Variants in EVC2 observed in about 807,000 individuals in gnomAD.
EVC2 encodes EvC ciliary complex subunit 2, also known as limbin.
A neutral mutation model predicts 149.3 loss-of-function variants in EVC2; 148 were observed. The observed-to-expected ratio is 0.99, with a 90% CI of 0.87 to 1.14. The LOEUF is 1.14. EVC2 is among the 50% of genes most tolerant of loss of function. The probability of loss-of-function intolerance (pLI) is 0.00; values close to 1 mark genes in which losing one functional copy is unlikely to be tolerated. For missense variants in EVC2, 1,854 were observed against 1,627.3 expected (o/e 1.14, Z -2.40); for synonymous variants, 776 against 649.9 (o/e 1.19, Z -2.95).
intron 17 of EVC2, among the ~76,000 whole-genome samples, chr4:5,581,995 C>A (rs572137155): frequency 6.6e-6 from 1 of 152,324 alleles, no homozygotes; most frequent in East Asian, 1.9e-4. Context: ...TGGGAGCCTC[C>A]GCCTAGATTT....
At chr4:5,600,186 G>A (rs1208436973) in intron 16 of EVC2, among the ~76,000 whole-genome samples, 2 of 152,162 alleles carry the variant, frequency 1.3e-5, no homozygotes, top group Non-Finnish European at 1.5e-5. Flanking sequence ...ACCTGTCTGA[G>A]TCTCAGTTTT....
chr4:5,697,272 T>G (rs1466910802), intron 2 of EVC2, among the ~76,000 whole-genome samples: 1 of 152,256 alleles, frequency 6.6e-6, no homozygotes, highest in Admixed American at 6.5e-5. Context: ...AGCCACTGTT[T>G]GTGAACATTT....
chr4:5,530,052 G>C, the EVC2 span, among the ~76,000 whole-genome samples: 3 of 152,148 alleles, frequency 2.0e-5, no homozygotes, highest in Non-Finnish European at 4.4e-5. Flanking sequence ...CCGACCTCAG[G>C]TGATCTGCCC....
chr4:5,591,592 G>T (rs1456534425), intron 16 of EVC2, among the ~76,000 whole-genome samples: 1 of 152,198 alleles, frequency 6.6e-6, no homozygotes, highest in Admixed American at 6.5e-5. Context: ...ATGAATAAAT[G>T]TGGGTGAAGT....
At chr4:5,589,171 A>C (rs923541081) in intron 16 of EVC2, among the ~76,000 whole-genome samples, 3 of 152,210 alleles carry the variant, frequency 2.0e-5, no homozygotes, top group Non-Finnish European at 4.4e-5. Context: ...CTACTTGGAA[A>C]CAGGCTAACC....
In EVC2 at chr4:5,576,501, T is replaced by TG; in HGVS notation, c.3058-48dup. On this transcript the variant is annotated intron_variant, in intron 17 of 21. Coordinates refer to ENST00000344408, the MANE Select transcript of EVC2 (RefSeq NM_147127.5). The surrounding 1 kb of genome is among the most constrained non-coding windows in gnomAD (Gnocchi z 4.5). ...GGTAAGCACCACTGCACAAGGCGGG[T>TG]GGGGTGGAGGACAAAATCTGACCTC... The TG allele has an allele frequency of 6.5e-7, 1 of 1,543,826 alleles. No homozygotes were observed. Among genetic ancestry groups the TG allele is most frequent in the South Asian group, 1.2e-5 (1 of 84,780 alleles).
chr4:5,557,048 C>T (rs10032728), intron 21 of EVC2, among the ~76,000 whole-genome samples: 44,701 of 151,872 alleles, frequency 0.29, 7,931 homozygotes, highest in East Asian at 0.86. Context: ...AGAAAATAAA[C>T]GCAGAAAGAA....
rs1716941128 is a variant in EVC2, at chr4:5,637,185, A to G, written c.1470+3329T>C. Among the ~76,000 whole-genome samples the G allele has an allele frequency of 6.6e-6, 1 of 152,202 alleles. No homozygotes were observed. On this transcript the variant is annotated intron_variant, in intron 10 of 21. Transcript: ENST00000344408. This position sits in a 1 kb window ranked among gnomAD's most constrained non-coding sequence, Gnocchi z 4.4. ...CATCCTATCCTCATGCTCTCCGCAT[A>G]AAAAAGCATTGCCCCAGGCAGTCTT...
chr4:5,704,388 G>C (rs1432028046), intron 1 of EVC2, among the ~76,000 whole-genome samples: 1 of 152,130 alleles, frequency 6.6e-6, no homozygotes, highest in Non-Finnish European at 1.5e-5. Context: ...AAAAGACAAA[G>C]GAACCACTGA....
intron 10 of EVC2, among the ~76,000 whole-genome samples, chr4:5,635,045 T>G (rs1468780395): frequency 7.0e-6 from 1 of 143,266 alleles, no homozygotes; most frequent in Non-Finnish European, 1.5e-5. Context: ...TTTTTTTTTT[T>G]TTTTTTTTTG....
intron 21 of EVC2, among the ~76,000 whole-genome samples, chr4:5,551,063 G>A (rs1721727073): frequency 6.6e-6 from 1 of 152,242 alleles, no homozygotes. Context: ...GGGCCCTCAT[G>A]GAGAACCTCT....
rs1715098256 is a variant in EVC2, at chr4:5,614,652, G to C, written c.2829+770C>G. 2.0e-5 allele frequency among the ~76,000 whole-genome samples: 3 copies of C among 152,176 alleles called. No individual in the cohort carries two copies. The highest frequency in any genetic ancestry group is 7.2e-5 in the African/African-American group (3 of 41,444). ...GAATACAGATTAAAGCATCCTAGGAGACTGTGTGGTGTGTGCTAGAACATC... is the reference window on the plus strand; with the variant it reads ...GAATACAGATTAAAGCATCCTAGGACACTGTGTGGTGTGTGCTAGAACATC... On this transcript the variant is annotated intron_variant, in intron 16 of 21. Coordinates refer to ENST00000344408, the MANE Select transcript of EVC2 (RefSeq NM_147127.5). The surrounding 1 kb of genome is among the most constrained non-coding windows in gnomAD (Gnocchi z 4.7).
chr4:5,592,969 G>C (rs1712961499), intron 16 of EVC2, among the ~76,000 whole-genome samples: 1 of 152,194 alleles, frequency 6.6e-6, no homozygotes, highest in Admixed American at 6.5e-5. Flanking sequence ...TTACCTCCAT[G>C]CTGTTCTCCT....
chr4:5,639,143 C>T (rs192467769), intron 10 of EVC2, among the ~76,000 whole-genome samples: 149 of 152,146 alleles, frequency 9.8e-4, no homozygotes, highest in African/African-American at 3.0e-3. Flanking sequence ...CTGTGAGTCA[C>T]GAGTTGTTAA....
chr4:5,587,657 C>G (rs745897265), intron 16 of EVC2, among the ~76,000 whole-genome samples: 5 of 152,178 alleles, frequency 3.3e-5, no homozygotes, highest in Non-Finnish European at 7.3e-5. Flanking sequence ...GGAGCATAGA[C>G]AAGACTCCTG....
At chr4:5,570,790 T>C (rs1010091333) in intron 19 of EVC2, among the ~76,000 whole-genome samples, 9 of 152,160 alleles carry the variant, frequency 5.9e-5, no homozygotes, top group Non-Finnish European at 1.3e-4. Flanking sequence ...GTGGTATATA[T>C]ACACCATAGA....
the EVC2 span, among the ~76,000 whole-genome samples, chr4:5,530,728 G>A: frequency 1.3e-5 from 2 of 152,184 alleles, no homozygotes; most frequent in Non-Finnish European, 2.9e-5. Context: ...AGCTGATTGA[G>A]GTTACCAGAC....
downstream of EVC2, chr4:5,562,344 T>C: frequency 4.4e-6 from 3 of 674,240 alleles, no homozygotes; most frequent in Non-Finnish European, 5.5e-6. The surrounding 1 kb of genome is among the most constrained non-coding windows in gnomAD (Gnocchi z 4.3). Context: ...AGGGCGAATC[T>C]CTCTATTGAA....
chr4:5,663,376 T>C (rs1577223580), intron 8 of EVC2, 130 bp from the exon 9 acceptor site: 2 of 1,255,032 alleles, frequency 1.6e-6, no homozygotes, highest in African/African-American at 1.5e-5. Flanking sequence ...GTGACCACAG[T>C]AAACCCAGAC....
Sources: allele counts gnomAD v4.1 joint callset (sites outside exome capture counted in the v4.1 genomes callset), GRCh38; gene constraint gnomAD v4.1.1; non-coding constraint Gnocchi (gnomAD v3.1); transcripts MANE v1.5; gene names NCBI Gene and HGNC (gene_info 2026-07-23, HGNC 2026-07-21).